The following PAXIP1 variants were observed in gnomAD, a reference collection of about 807,000 sequenced individuals.
The protein encoded by PAXIP1 is PAX interacting protein 1.
Under a neutral mutation model 140.6 loss-of-function variants are expected in PAXIP1, and 19 were observed. That is an observed-to-expected ratio of 0.14 (90% CI 0.09 to 0.20). The LOEUF (loss-of-function observed/expected upper bound fraction) is 0.20. Ranked by LOEUF, PAXIP1 falls within the 10% of genes least tolerant of loss-of-function variation. The pLI is 1.00. For synonymous variants in PAXIP1, 442 were observed against 444.6 expected (o/e 0.99, Z 0.07); for missense variants, 920 against 1,208.6 (o/e 0.76, Z 3.54).
At chr7:154,998,457 G>A (rs1810739919) in intron 2 of PAXIP1, among the ~76,000 whole-genome samples, 193 bp downstream of exon 2, 1 of 152,088 alleles carries the variant, frequency 6.6e-6, no homozygotes. Flanking sequence ...GCAGTGAGCT[G>A]AGATCGTGCC....
chr7:154,964,782 A>G (rs1414400056), intron 8 of PAXIP1: 1 of 152,234 alleles, frequency 6.6e-6, no homozygotes, highest in African/African-American at 2.4e-5. Flanking sequence ...ACTTAACACA[A>G]TGTAGCCCAG....
chr7:154,996,927 A>G (rs1225868004), intron 2 of PAXIP1, among the ~76,000 whole-genome samples: 1 of 152,160 alleles, frequency 6.6e-6, no homozygotes, highest in African/African-American at 2.4e-5. Context: ...GATGTGTTAG[A>G]AAGATCACCC....
At chr7:154,979,959 A>G (rs1809767561) in intron 5 of PAXIP1, among the ~76,000 whole-genome samples, 1 of 152,196 alleles carries the variant, frequency 6.6e-6, no homozygotes, top group African/African-American at 2.4e-5. Context: ...AAACTAACGC[A>G]GTGACACTAA....
At chr7:154,995,578 G>A (rs923190641) in intron 2 of PAXIP1, among the ~76,000 whole-genome samples, 4 of 152,190 alleles carry the variant, frequency 2.6e-5, no homozygotes, top group East Asian at 3.8e-4. Context: ...GGCTGATCGC[G>A]ATGGCTCATG....
At position 154,957,302 on chromosome 7, in the gene PAXIP1, T is replaced by C; in HGVS notation, c.2479-8A>G. On this transcript the variant is annotated splice_polypyrimidine_tract_variant and splice_region_variant and intron_variant, in intron 13 of 20. Coordinates refer to ENST00000404141, the MANE Select transcript of PAXIP1 (RefSeq NM_007349.4). ...GGGAGGTAGTCTTATACTCTGCAAT[T>C]AAAATATTGTCGACTTTAATTCAAT... is the stretch of plus-strand genomic sequence containing the variant. 1.3e-6 allele frequency: 2 copies of C among 1,540,208 alleles called. No homozygotes were observed. The highest frequency in any genetic ancestry group is 8.9e-7 in the Non-Finnish European group (1 of 1,120,946).
At chr7:154,984,055 C>T (rs1809959554) in intron 4 of PAXIP1, among the ~76,000 whole-genome samples, 1 of 152,154 alleles carries the variant, frequency 6.6e-6, no homozygotes, top group African/African-American at 2.4e-5. Context: ...ACCCTTCCAA[C>T]CGCCATGTGA....
At chr7:154,993,879 A>C in intron 2 of PAXIP1, 110 bp from the exon 3 acceptor site, 1 of 739,108 alleles carries the variant, frequency 1.4e-6, no homozygotes, top group Non-Finnish European at 2.2e-6. Context: ...CTATTTTAAA[A>C]CATCCAGATT....
Position 154,962,429 on chromosome 7 carries a change from A to G in PAXIP1, c.2019T>C (p.Thr673=). 2 of 1,613,648 alleles carry G rather than the reference A, an allele frequency of 1.2e-6. No homozygotes were observed. Among genetic ancestry groups the G allele is most frequent in the Non-Finnish European group, 1.7e-6 (2 of 1,179,562 alleles). The change falls in exon 10 of 21, where the codon ACT becomes ACC. Residue 673 remains threonine, a synonymous_variant. Transcript: ENST00000404141. ...TTAAGACTGTGTTTAACCAGTGTGC[A>G]GTAACACATCTCTTTCTTTCTCTTA... ...QAIRERKRCV[T]AHWLNTVLKK...
intron 4 of PAXIP1, chr7:154,983,536 A>T: frequency 2.5e-6 from 1 of 405,358 alleles, no homozygotes. Flanking sequence ...TTTTACATAT[A>T]TGAATTACTT....
Position 154,991,076 on chromosome 7 carries a change from T to C in PAXIP1, c.261-7A>G. The C allele has an allele frequency of 6.9e-7, 1 of 1,455,614 alleles. No individual in the cohort carries two copies. The highest frequency in any genetic ancestry group is 9.3e-7 in the Non-Finnish European group (1 of 1,070,220). 90.2% of individuals were successfully genotyped at this position (1,455,614 alleles called of 1,614,324 possible). ...TGGAGAAAAACCATTTACTCTGTTT[T>C]ATAGTTATTAAGATTACAATGAAAT... On this transcript the variant is annotated splice_region_variant and splice_polypyrimidine_tract_variant and intron_variant, in intron 3 of 20. Coordinates refer to ENST00000404141, the MANE Select transcript of PAXIP1 (RefSeq NM_007349.4).
rs376289874 is a variant in PAXIP1, at chr7:154,976,149, A to C, written c.621T>G (p.Asp207Glu). The change falls in exon 6 of 21, where the codon GAT becomes GAG. Residue 207 changes from aspartate to glutamate, a missense_variant. By Grantham distance (45) the Asp-to-Glu change is conservative. Transcript: ENST00000404141. ...CATCTGTACTACCCTCATTCTGAGA[A>C]TCTTGTTCCTCATTTTCTACTTCCT... ...EEEEVENEEQDSQNEGSTDEK... is the reference protein window; with the variant it reads ...EEEEVENEEQESQNEGSTDEK... 1.6e-5 allele frequency: 25 copies of C among 1,581,374 alleles called. No homozygotes were observed. Among genetic ancestry groups the C allele is most frequent in the African/African-American group, 9.4e-5 (7 of 74,194 alleles).
Position 154,998,756 on chromosome 7 carries a change from G to A in PAXIP1, c.110C>T (p.Ala37Val). The A allele has an allele frequency of 6.2e-7, 1 of 1,612,560 alleles. No individual in the cohort carries two copies. Among genetic ancestry groups the A allele is most frequent in the South Asian group, 1.1e-5 (1 of 90,792 alleles). Residue 37 changes from alanine to valine, a missense_variant, in exon 2 of 21, where the codon GCG (alanine) becomes GTG (valine). This residue lies in a region of PAXIP1 where 419 missense variants were observed against 514.7 expected (regional missense o/e 0.81). Transcript: ENST00000404141. ...TAGTGCATTGTAGGAAACTTCCTTC[G>A]CTTTTCCAGCCTTGAGAAGCTGAAT... ...QVIQLLKAGK[A>V]KEVSYNALAS...
chr7:154,968,884 A>G lies in PAXIP1; in HGVS notation c.1317T>C (p.Pro439=). The G allele has an allele frequency of 9.9e-7, 1 of 1,009,810 alleles. No individual in the cohort carries two copies. Among genetic ancestry groups the G allele is most frequent in the Non-Finnish European group, 1.5e-6 (1 of 657,352 alleles). The allele number at this position is 1,009,810 out of a possible 1,614,324, so 62.6% of individuals were successfully genotyped here. A position where few individuals can be genotyped will look rare whatever the true frequency, so the allele number is the denominator to read the frequency against. The change falls in exon 7 of 21, where the codon CCT becomes CCC. Residue 439 remains proline (P), a synonymous_variant. Coordinates refer to ENST00000404141, the MANE Select transcript of PAXIP1 (RefSeq NM_007349.4). ...ATGGATGCGGCGGCTGCTGGGGGTA[A>G]GGTTGCTGAGAGATCTGCTGCTGCT... ...QQQQQQISQQ[P]YPQQPPHPFS... is the part of the protein sequence containing the mutation.
In PAXIP1 at chr7:154,989,937, G is replaced by A. The variant is rs148913186; in HGVS notation, c.324+1069C>T. On this transcript the variant is annotated intron_variant, in intron 4 of 20. Coordinates refer to ENST00000404141, the MANE Select transcript of PAXIP1 (RefSeq NM_007349.4). ...AACATTCCCAAATAGTGGATGATCC[G>A]ATTGTTTCCAATTTTACCATCTTAT... Among the ~76,000 whole-genome samples the A allele has an allele frequency of 7.1e-4, 108 of 151,828 alleles. 1 individual carries two copies. Among genetic ancestry groups the A allele is most frequent in the Non-Finnish European group, 7.5e-4 (51 of 67,998 alleles).
At chr7:154,976,449 T>C in intron 5 of PAXIP1, 118 bp from the exon 6 acceptor site, 1 of 1,368,192 alleles carries the variant, frequency 7.3e-7, no homozygotes, top group African/African-American at 1.4e-5. Flanking sequence ...TGAGCAACTA[T>C]TATTACAATT....
Position 154,995,638 on chromosome 7 carries a change from TGA to T in PAXIP1, c.217-1871_217-1870del, listed in dbSNP as rs1421398703. ...GCCAAGGCGGGCGGATCACTTGAGG[TGA>T]CAGGTTCGAGACCAGCCTGGCCAAC... is the stretch of plus-strand genomic sequence containing the variant. On this transcript the variant is annotated intron_variant, in intron 2 of 20. Transcript: ENST00000404141. Among the ~76,000 whole-genome samples the T allele has an allele frequency of 3.3e-5, 5 of 152,268 alleles. No individual in the cohort carries two copies. In the South Asian group the frequency reaches 1.0e-3, roughly 32 times the overall value.
At chr7:154,948,354 T>C (rs561511080) in intron 16 of PAXIP1, 141 of 248,628 alleles carry the variant, frequency 5.7e-4, no homozygotes, top group Non-Finnish European at 9.9e-4. Context: ...GAGAACAGCC[T>C]GGGCAACACA....
chr7:154,995,068 T>C (rs1810512705), intron 2 of PAXIP1, among the ~76,000 whole-genome samples: 1 of 152,144 alleles, frequency 6.6e-6, no homozygotes, highest in Non-Finnish European at 1.5e-5. Context: ...CAGAAACCCC[T>C]CTCTCCTCAT....
intron 8 of PAXIP1, among the ~76,000 whole-genome samples, chr7:154,966,334 AAC>A (rs1466731015): frequency 6.6e-6 from 1 of 152,126 alleles, no homozygotes; most frequent in East Asian, 1.9e-4. Context: ...TTTGAGAGAA[AAC>A]AGTTTTCTCT....
Sources: gnomAD v4.1 joint callset for allele counts (sites outside exome capture counted in the v4.1 genomes callset) on GRCh38, gnomAD v4.1.1 for gene constraint, gnomAD v4.1.1 regional missense constraint, MANE v1.5 for transcripts, NCBI Gene and HGNC (gene_info 2026-07-23, HGNC 2026-07-21) for gene names.